RBMS3: variants seen among roughly 807,000 people sequenced by gnomAD.
RBMS3 encodes the protein RNA binding motif single stranded interacting protein 3.
RBMS3 carries 27 observed loss-of-function variants against 66.8 expected under a neutral mutation model. That is an observed-to-expected ratio of 0.40 (90% CI 0.30 to 0.56). The LOEUF is 0.56. Ranked by LOEUF, RBMS3 falls within the 20% of genes least tolerant of loss-of-function variation. The pLI is 0.40. For synonymous variants in RBMS3, 188 were observed against 183.0 expected (o/e 1.03, Z -0.22); for missense variants, 513 against 549.5 (o/e 0.93, Z 0.66).
Position 29,923,822 on chromosome 3 carries a change from A to G in RBMS3, c.940-12264A>G, listed in dbSNP as rs539723480. Among the ~76,000 whole-genome samples, 12 of 152,306 alleles carry G rather than the reference A, an allele frequency of 7.9e-5. No individual in the cohort carries two copies. In the South Asian group the frequency reaches 1.0e-3, roughly 13 times the overall value. The stretch of plus-strand genomic sequence containing the variant: ...TGTCACCAAGGCCACATAATGATAA[A>G]TATTTCAAATGTGAATACCAATTAG... On this transcript the variant is annotated intron_variant, in intron 10 of 14. Coordinates refer to ENST00000383767, the MANE Select transcript of RBMS3 (RefSeq NM_001003793.3).
intron 1 of RBMS3, among the ~76,000 whole-genome samples, chr3:29,359,347 G>T (rs567664531): frequency 6.6e-6 from 1 of 152,234 alleles, no homozygotes; most frequent in African/African-American, 2.4e-5. Flanking sequence ...GCTGGATTAC[G>T]TTTATTGATT....
intron 2 of RBMS3, among the ~76,000 whole-genome samples, chr3:29,456,094 C>T (rs939992695): frequency 1.3e-5 from 2 of 151,930 alleles, no homozygotes; most frequent in African/African-American, 2.4e-5. Context: ...TATTATGTAT[C>T]GCTAATATTT....
At chr3:29,389,042 AT>A (rs1349095540) in intron 1 of RBMS3, among the ~76,000 whole-genome samples, 1 of 152,172 alleles carries the variant, frequency 6.6e-6, no homozygotes, top group African/African-American at 2.4e-5. Flanking sequence ...ATTTAATTGA[AT>A]CCTTTTGGAG....
chr3:29,652,186 G>A (rs1576443399), intron 4 of RBMS3, among the ~76,000 whole-genome samples: 2 of 152,056 alleles, frequency 1.3e-5, no homozygotes, highest in East Asian at 3.8e-4. Context: ...GTAAACCTGT[G>A]AAATGTACAG....
chr3:29,667,221 C>G (rs1052985647), intron 4 of RBMS3, among the ~76,000 whole-genome samples: 17 of 152,170 alleles, frequency 1.1e-4, no homozygotes, highest in African/African-American at 3.9e-4. Context: ...GAATAGATTG[C>G]TACCTACTGT....
intron 3 of RBMS3, among the ~76,000 whole-genome samples, chr3:29,561,489 G>T (rs1282974887): frequency 6.6e-6 from 1 of 152,082 alleles, no homozygotes; most frequent in Non-Finnish European, 1.5e-5. Flanking sequence ...GTCTCACTCT[G>T]TTGCCCAGGC....
chr3:29,757,786 A>T (rs932241441), intron 5 of RBMS3, among the ~76,000 whole-genome samples: 3 of 152,186 alleles, frequency 2.0e-5, no homozygotes, highest in Non-Finnish European at 4.4e-5. Context: ...TTAAATTACC[A>T]TGGCACATTT....
At chr3:29,857,347 T>G (rs2059104016) in intron 6 of RBMS3, among the ~76,000 whole-genome samples, 1 of 152,086 alleles carries the variant, frequency 6.6e-6, no homozygotes. Context: ...TGTTTTACAT[T>G]AAAAGATTCC....
At chr3:29,398,849 G>A (rs987668231) in intron 1 of RBMS3, among the ~76,000 whole-genome samples, 4 of 152,316 alleles carry the variant, frequency 2.6e-5, no homozygotes, top group Middle Eastern at 6.8e-3. Context: ...ACTTACAAAG[G>A]AGATAATGTA....
At chr3:29,847,304 T>C (rs1468654516) in intron 6 of RBMS3, among the ~76,000 whole-genome samples, 2 of 152,254 alleles carry the variant, frequency 1.3e-5, no homozygotes, top group Non-Finnish European at 2.9e-5. Context: ...TGTTTACATA[T>C]AACTTCTGCA....
At chr3:29,696,936 T>TGGG in intron 4 of RBMS3, 1 of 944,532 alleles carries the variant, frequency 1.1e-6, no homozygotes, top group Non-Finnish European at 1.3e-6. Context: ...CCTGGTCGTT[T>TGGG]GGGTTTTTTT....
intron 1 of RBMS3, among the ~76,000 whole-genome samples, chr3:29,396,040 A>T (rs1425980419): frequency 6.6e-6 from 1 of 152,172 alleles, no homozygotes; most frequent in Non-Finnish European, 1.5e-5. Context: ...TAACTATACA[A>T]TGGAAACATT....
intron 1 of RBMS3, among the ~76,000 whole-genome samples, chr3:29,292,099 CTCTA>C (rs951674110): frequency 1.3e-5 from 2 of 151,644 alleles, no homozygotes. Flanking sequence ...TGTTTTGATT[CTCTA>C]TCTAATTACT....
At chr3:29,764,093 G>T (rs1173570106) in intron 6 of RBMS3, among the ~76,000 whole-genome samples, 2 of 145,766 alleles carry the variant, frequency 1.4e-5, no homozygotes, top group African/African-American at 2.6e-5. Context: ...ATATTTTTGT[G>T]GAGGGTTTTG....
At chr3:29,368,156 A>T (rs778430983) in intron 1 of RBMS3, among the ~76,000 whole-genome samples, 33 of 152,216 alleles carry the variant, frequency 2.2e-4, no homozygotes, top group Non-Finnish European at 4.3e-4. Flanking sequence ...ACTTTCTATC[A>T]AAATTGAGAA....
chr3:29,392,119 A>G (rs1368815579), intron 1 of RBMS3, among the ~76,000 whole-genome samples: 1 of 152,048 alleles, frequency 6.6e-6, no homozygotes, highest in Non-Finnish European at 1.5e-5. Context: ...GCATGGTGGC[A>G]CAAGCCTGTA....
intron 4 of RBMS3, among the ~76,000 whole-genome samples, chr3:29,725,465 G>T (rs1009038378): frequency 1.3e-5 from 2 of 151,316 alleles, no homozygotes; most frequent in African/African-American, 4.9e-5. Context: ...TAGAGAGACT[G>T]CTAGCTAGAC....
At chr3:29,726,894 G>C (rs2053903745) in intron 4 of RBMS3, among the ~76,000 whole-genome samples, 2 of 152,114 alleles carry the variant, frequency 1.3e-5, no homozygotes, top group Non-Finnish European at 2.9e-5. Context: ...CCAAAAAAGA[G>C]CTTGTATAGC....
intron 2 of RBMS3, among the ~76,000 whole-genome samples, chr3:29,450,902 TAC>T (rs140249632): frequency 0.016 from 1,405 of 85,346 alleles, 20 homozygotes; most frequent in African/African-American, 0.06. Context: ...AACACACAGA[TAC>T]ACACACACAC....
Sources: gnomAD v4.1 joint callset for allele counts (sites outside exome capture counted in the v4.1 genomes callset) on GRCh38, gnomAD v4.1.1 for gene constraint, MANE v1.5 for transcripts, NCBI Gene and HGNC (gene_info 2026-07-23, HGNC 2026-07-21) for gene names.